The following GPM6B variants were observed in gnomAD, a reference collection of about 807,000 sequenced individuals.
GPM6B encodes neuronal membrane glycoprotein M6-b.
In GPM6B, 4 loss-of-function variants were observed where a neutral mutation model predicts 27.2. The ratio of observed to expected loss-of-function variants is 0.15; its 90% CI spans 0.07 to 0.34. The LOEUF is 0.34. GPM6B is among the 10% of genes least tolerant of loss of function. The pLI is 1.00. For synonymous variants in GPM6B, 124 were observed against 103.1 expected (o/e 1.20, Z -1.23); for missense variants, 183 against 261.9 (o/e 0.70, Z 2.08).
intron 1 of GPM6B, among the ~76,000 whole-genome samples, chrX:13,839,154 C>T: frequency 8.9e-6 from 1 of 111,812 alleles, no homozygotes; most frequent in Non-Finnish European, 1.9e-5. Flanking sequence ...TTGGCTTCCA[C>T]AACCCCCCTT....
rs1010988544 is a variant in GPM6B at position 13,798,748 on chromosome X, C to T, written c.181+8902G>A. Among the ~76,000 whole-genome samples, 7 of 112,775 alleles carry T rather than the reference C, an allele frequency of 6.2e-5. No individual in the cohort carries two copies. The East Asian group carries it at 1.1e-3, about 18-fold the overall frequency. On this transcript the variant is annotated intron_variant, in intron 2 of 7. Coordinates refer to ENST00000316715, the MANE Select transcript of GPM6B (RefSeq NM_001001995.3). ...TTAGAACCAATTTCCTGACTCAAAG[C>T]GTAGGACCTAGCCCAGGGGTTCTCA...
chrX:13,839,008 C>A (rs1315891653), intron 1 of GPM6B, among the ~76,000 whole-genome samples: 1 of 111,536 alleles, frequency 9.0e-6, no homozygotes, highest in Non-Finnish European at 1.9e-5. Context: ...GCACAACTGA[C>A]CAGCATTCAC....
chrX:13,809,277 A>C (rs2049080691), intron 1 of GPM6B, among the ~76,000 whole-genome samples: 1 of 111,873 alleles, frequency 8.9e-6, no homozygotes, highest in South Asian at 3.7e-4. Context: ...TTTGGAAACC[A>C]CCATACATCC....
intron 1 of GPM6B, among the ~76,000 whole-genome samples, chrX:13,850,359 G>A (rs1245110730): frequency 8.9e-6 from 1 of 112,314 alleles, no homozygotes; most frequent in Non-Finnish European, 1.9e-5. Flanking sequence ...TGCCATGAGT[G>A]GAAGCTTCCT....
At chrX:13,934,491 CAGG>C (rs1379287470) in intron 1 of GPM6B, among the ~76,000 whole-genome samples, 1 of 111,481 alleles carries the variant, frequency 9.0e-6, no homozygotes, top group Non-Finnish European at 1.9e-5. Context: ...GAAAAGAGGT[CAGG>C]AGAAGCCAAA....
intron 1 of GPM6B, among the ~76,000 whole-genome samples, chrX:13,892,448 A>G (rs150644198): frequency 0.015 from 1,632 of 112,160 alleles, 28 homozygotes; most frequent in African/African-American, 0.05. Flanking sequence ...CCAACCTAAT[A>G]CAACACACAC....
At chrX:13,888,739 G>GT (rs1290951868) in intron 1 of GPM6B, among the ~76,000 whole-genome samples, 7 of 110,884 alleles carry the variant, frequency 6.3e-5, no homozygotes, top group Non-Finnish European at 9.4e-5. Flanking sequence ...GAAAAAAAAT[G>GT]TTTTTTTGCC....
At chrX:13,787,041 C>CAAAAAAAAAAAAAAAAAAAAAA (rs869123073) in intron 2 of GPM6B, among the ~76,000 whole-genome samples, 1 of 24,511 alleles carries the variant, frequency 4.1e-5, no homozygotes, top group Non-Finnish European at 6.2e-5. Context: ...ATTAAGCCAG[C>CAAAAAAAAAAAAAAAAAAAAAA]AAAAAAAAAA....
chrX:13,874,000 A>G (rs1215856440), intron 1 of GPM6B, among the ~76,000 whole-genome samples: 4 of 111,740 alleles, frequency 3.6e-5, no homozygotes, highest in Non-Finnish European at 7.5e-5. Context: ...ACCCTGAGCA[A>G]TAACACGAGA....
At chrX:13,932,222 C>T (rs778304483) in intron 1 of GPM6B, among the ~76,000 whole-genome samples, 2 of 111,430 alleles carry the variant, frequency 1.8e-5, no homozygotes, top group South Asian at 3.8e-4. Context: ...ACACAGCAGC[C>T]TCTGCCACGG....
At chrX:13,876,102 G>A (rs1336678879) in intron 1 of GPM6B, among the ~76,000 whole-genome samples, 3 of 112,263 alleles carry the variant, frequency 2.7e-5, no homozygotes, top group East Asian at 2.8e-4. Context: ...GAGTTACAAC[G>A]ATGTGTTATG....
At chrX:13,826,393 GT>G (rs2049372839) in intron 1 of GPM6B, among the ~76,000 whole-genome samples, 1 of 111,495 alleles carries the variant, frequency 9.0e-6, no homozygotes, top group South Asian at 3.8e-4. Context: ...CAAATGATCG[GT>G]TTTTAAACTA....
chrX:13,883,997 A>G (rs1381419278), intron 1 of GPM6B, among the ~76,000 whole-genome samples: 1 of 111,698 alleles, frequency 9.0e-6, no homozygotes, highest in Non-Finnish European at 1.9e-5. Context: ...CCAACATGGT[A>G]AAACTCTGTC....
chrX:13,912,308 T>C (rs187091559), intron 1 of GPM6B, among the ~76,000 whole-genome samples: 15 of 112,294 alleles, frequency 1.3e-4, no homozygotes, highest in African/African-American at 4.9e-4. Flanking sequence ...AAAATCTCTA[T>C]AGTTCAGACA....
intron 1 of GPM6B, among the ~76,000 whole-genome samples, chrX:13,826,714 G>A (rs946775972): frequency 9.0e-6 from 1 of 111,034 alleles, no homozygotes; most frequent in African/African-American, 3.3e-5. Context: ...CTCCAGCCTG[G>A]GTGACAGAGT....
intron 1 of GPM6B, among the ~76,000 whole-genome samples, chrX:13,879,661 T>G (rs1239598911): frequency 8.9e-6 from 1 of 112,222 alleles, no homozygotes; most frequent in Admixed American, 9.4e-5. Flanking sequence ...GCATTTACAT[T>G]AAAAAGATTA....
intron 4 of GPM6B, 63 bp from the exon 5 acceptor site, chrX:13,780,052 G>C (rs2048487745): frequency 2.0e-6 from 2 of 990,059 alleles, no homozygotes; most frequent in Admixed American, 4.8e-5. Flanking sequence ...TCCCCTAAGT[G>C]GAAGGATTGT....
At chrX:13,926,054 C>CAAAAAAAAAGAA (rs1921168855) in intron 1 of GPM6B, among the ~76,000 whole-genome samples, 1 of 99,185 alleles carries the variant, frequency 1.0e-5, no homozygotes, top group African/African-American at 3.8e-5. Flanking sequence ...GACTCCATCT[C>CAAAAAAAAAGAA]AAAAAAAAAA....
At chrX:13,874,856 C>T (rs186665364) in intron 1 of GPM6B, among the ~76,000 whole-genome samples, 53 of 111,670 alleles carry the variant, frequency 4.7e-4, no homozygotes, top group African/African-American at 1.7e-3. Context: ...GAAGACTAAA[C>T]GAGGTCAAAC....
Sources: allele counts gnomAD v4.1 joint callset (sites outside exome capture counted in the v4.1 genomes callset), GRCh38; gene constraint gnomAD v4.1.1; transcripts MANE v1.5; gene names NCBI Gene and HGNC (gene_info 2026-07-23, HGNC 2026-07-21).